Variants in BRINP1 observed in about 807,000 individuals in gnomAD.
The protein encoded by BRINP1 is BMP/retinoic acid-inducible neural-specific protein 1.
In BRINP1, 17 loss-of-function variants were observed where a neutral mutation model predicts 72.9. The ratio of observed to expected loss-of-function variants is 0.23; its 90% CI spans 0.16 to 0.35. The LOEUF (loss-of-function observed/expected upper bound fraction) is 0.35, where lower values mean the gene tolerates loss of function less well. BRINP1 is among the 10% of genes least tolerant of loss of function. The pLI is 1.00. For synonymous variants in BRINP1, 418 were observed against 378.5 expected (o/e 1.10, Z -1.21); for missense variants, 850 against 1,001.6 (o/e 0.85, Z 2.04).
rs572121193 is a variant in BRINP1, at chr9:119,173,538, A to G, written c.1146-5314T>C. Among the ~76,000 whole-genome samples, 564 of 152,252 alleles carry G rather than the reference A, an allele frequency of 3.7e-3. 5 individuals carry two copies. Among genetic ancestry groups the G allele is most frequent in the African/African-American group, 0.012 (513 of 41,526 alleles). On this transcript the variant is annotated intron_variant, in intron 7 of 7. Transcript: ENST00000265922. ...CTCATGGGTAGGAAGAATCAATATC[A>G]TGAAAATGGCCATACTGGCCATACT...
chr9:119,299,435 G>A (rs1830916806), intron 2 of BRINP1, among the ~76,000 whole-genome samples: 1 of 152,018 alleles, frequency 6.6e-6, no homozygotes, highest in South Asian at 2.1e-4. Flanking sequence ...CCAACATGGA[G>A]AAACCCCGTC....
In BRINP1 at chr9:119,198,054, G is replaced by A. The variant is rs1053722814; in HGVS notation, c.1145+10665C>T. Among the ~76,000 whole-genome samples the A allele has an allele frequency of 4.6e-5, 7 of 152,234 alleles. No individual in the cohort carries two copies. The East Asian group carries it at 7.7e-4, about 17-fold the overall frequency. The stretch of plus-strand genomic sequence containing the variant: ...AATAAACCGAGGTTTGAAATGTTAC[G>A]CAATTATGGTATGGTTTATGCAGGA... On this transcript the variant is annotated intron_variant, in intron 7 of 7. Coordinates refer to ENST00000265922, the MANE Select transcript of BRINP1 (RefSeq NM_014618.3).
intron 1 of BRINP1, among the ~76,000 whole-genome samples, chr9:119,363,618 CTATT>C (rs1413131248): frequency 2.0e-5 from 3 of 152,172 alleles, no homozygotes; most frequent in African/African-American, 2.4e-5. Flanking sequence ...TCTTGCTTAT[CTATT>C]TGTTTACTCA....
intron 1 of BRINP1, among the ~76,000 whole-genome samples, chr9:119,330,850 A>G (rs1831293135): frequency 6.6e-6 from 1 of 151,868 alleles, no homozygotes; most frequent in Admixed American, 6.6e-5. Context: ...GCATAGTGAA[A>G]CCCCATCTCT....
rs1831716929 is a variant in BRINP1, at chr9:119,368,276, T to C, written c.-51+780A>G. ...ACTTCCCCCTTTCTCTGTCACCCAC[T>C]ATCCAGTGTCTCCAAATTCCCATCA... is the stretch of plus-strand genomic sequence containing the variant. On this transcript the variant is annotated intron_variant, in intron 1 of 7. Transcript: ENST00000265922. This position sits in a 1 kb window ranked among gnomAD's most constrained non-coding sequence, Gnocchi z 4.7. Among the ~76,000 whole-genome samples the C allele has an allele frequency of 6.6e-6, 1 of 152,132 alleles. No homozygotes were observed. Among genetic ancestry groups the C allele is most frequent in the Non-Finnish European group, 1.5e-5 (1 of 68,016 alleles).
chr9:119,269,943 A>C (rs929284876), intron 2 of BRINP1, among the ~76,000 whole-genome samples: 2 of 152,194 alleles, frequency 1.3e-5, no homozygotes, highest in African/African-American at 4.8e-5. Context: ...GTAAATTAAA[A>C]AGTGTTACGT....
In BRINP1 at chr9:119,368,359, G is replaced by A. The variant is rs1429821859; in HGVS notation, c.-51+697C>T. On this transcript the variant is annotated intron_variant, in intron 1 of 7. Transcript: ENST00000265922. The surrounding 1 kb of genome is among the most constrained non-coding windows in gnomAD (Gnocchi z 4.7). ...AGTGACAGCGTCTCATTTGCCTCGG[G>A]GGTTGGCCATGTCTCTTTCATATTA... 6.6e-6 allele frequency among the ~76,000 whole-genome samples: 1 copy of A among 152,054 alleles called. No individual in the cohort carries two copies. Among genetic ancestry groups the A allele is most frequent in the Admixed American group, 6.6e-5 (1 of 15,266 alleles).
chr9:119,342,449 G>A (rs1831415043), intron 1 of BRINP1, among the ~76,000 whole-genome samples: 1 of 152,118 alleles, frequency 6.6e-6, no homozygotes, highest in Admixed American at 6.5e-5. Flanking sequence ...GAAGGGAAAT[G>A]GCCTGCAAAA....
At chr9:119,322,116 C>T (rs941064439) in intron 1 of BRINP1, among the ~76,000 whole-genome samples, 1 of 152,222 alleles carries the variant, frequency 6.6e-6, no homozygotes, top group South Asian at 2.1e-4. Context: ...ATCTCCCAAG[C>T]CCCATGCCCT....
chr9:119,238,061 A>T (rs2118907687), intron 5 of BRINP1, among the ~76,000 whole-genome samples: 1 of 152,322 alleles, frequency 6.6e-6, no homozygotes, highest in East Asian at 1.9e-4. Flanking sequence ...ATATTATTGG[A>T]AATTCTTTAT....
At chr9:119,210,002 G>C (rs1305599597) in intron 6 of BRINP1, among the ~76,000 whole-genome samples, 1 of 152,224 alleles carries the variant, frequency 6.6e-6, no homozygotes, top group South Asian at 2.1e-4. Context: ...GTGATGCTGA[G>C]TTTCAGAGTG....
intron 2 of BRINP1, among the ~76,000 whole-genome samples, chr9:119,252,048 G>C (rs1340178365): frequency 6.6e-6 from 1 of 151,856 alleles, no homozygotes; most frequent in Middle Eastern, 3.2e-3. Context: ...TCTGTTTCTT[G>C]CATTGGCTTT....
chr9:119,329,327 A>G (rs1246485496), intron 1 of BRINP1, among the ~76,000 whole-genome samples: 1 of 152,210 alleles, frequency 6.6e-6, no homozygotes, highest in African/African-American at 2.4e-5. Context: ...ATTCATTTGT[A>G]TAGAAACTAC....
chr9:119,184,149 T>G (rs577533696), intron 7 of BRINP1, among the ~76,000 whole-genome samples: 20 of 152,176 alleles, frequency 1.3e-4, no homozygotes, highest in Non-Finnish European at 2.9e-4. Context: ...TTTCTTGCCT[T>G]GCATCAGCCA....
intron 2 of BRINP1, among the ~76,000 whole-genome samples, chr9:119,256,108 C>T (rs35261209): frequency 6.6e-6 from 1 of 152,032 alleles, no homozygotes; most frequent in Non-Finnish European, 1.5e-5. Context: ...TATCCTCAAC[C>T]TAGGCTCTAG....
At position 119,191,483 on chromosome 9, in the gene BRINP1, A is replaced by G. The variant is rs116853788; in HGVS notation, c.1145+17236T>C. ...ACAAGAATGAGTAGCACTTCTACAC[A>G]CAAATAACTTAGTTGAAAAAGAAAT... On this transcript the variant is annotated intron_variant, in intron 7 of 7. Transcript: ENST00000265922. 3.1e-3 allele frequency among the ~76,000 whole-genome samples: 473 copies of G among 151,992 alleles called. 1 individual carries two copies. Among genetic ancestry groups the G allele is most frequent in the Non-Finnish European group, 4.2e-3 (286 of 67,810 alleles).
intron 1 of BRINP1, among the ~76,000 whole-genome samples, chr9:119,351,658 C>T (rs1831508812): frequency 6.6e-6 from 1 of 152,150 alleles, no homozygotes; most frequent in South Asian, 2.1e-4. Context: ...TTGAAGCTTA[C>T]AGTCCTAGGA....
In BRINP1 at chr9:119,219,766, A is replaced by C. The variant is rs78554950; in HGVS notation, c.686-5611T>G. Among the ~76,000 whole-genome samples, 123 of 152,074 alleles carry C rather than the reference A, an allele frequency of 8.1e-4. No homozygotes were observed. The East Asian group carries it at 0.023, about 29-fold the overall frequency. Reference sequence around the variant, plus strand: ...TATGAGAAGTACAAGTTTTTCAGGGAACACAGGGAAAGAACAATGAACTCA... The same window carrying C: ...TATGAGAAGTACAAGTTTTTCAGGGCACACAGGGAAAGAACAATGAACTCA... On this transcript the variant is annotated intron_variant, in intron 5 of 7. Coordinates refer to ENST00000265922, the MANE Select transcript of BRINP1 (RefSeq NM_014618.3).
At chr9:119,366,511 T>A (rs929499871) in intron 1 of BRINP1, among the ~76,000 whole-genome samples, 1 of 8,940 alleles carries the variant, frequency 1.1e-4, no homozygotes, top group Non-Finnish European at 2.6e-4. Context: ...ACCGTGTGTG[T>A]GTGTGTGTGT....
Sources: allele counts gnomAD v4.1 joint callset (sites outside exome capture counted in the v4.1 genomes callset), GRCh38; gene constraint gnomAD v4.1.1; non-coding constraint Gnocchi (gnomAD v3.1); transcripts MANE v1.5; gene names NCBI Gene and HGNC (gene_info 2026-07-23, HGNC 2026-07-21).